Variants in FUT8 observed in about 807,000 individuals in gnomAD.
FUT8 encodes fucosyltransferase 8.
In FUT8, 29 loss-of-function variants were observed where a neutral mutation model predicts 71.3. That is an observed-to-expected ratio of 0.41 (90% CI 0.30 to 0.55). FUT8 has a LOEUF of 0.55. Among genes scored for constraint, FUT8 ranks in the 20% least tolerant of loss-of-function variants. The pLI, the probability that FUT8 is intolerant of heterozygous loss-of-function variation, is 0.34. For missense variants in FUT8, 544 were observed against 702.1 expected (o/e 0.77, Z 2.55); for synonymous variants, 254 against 239.3 (o/e 1.06, Z -0.57).
chr14:65,633,004 TC>T (rs376298224), intron 6 of FUT8, among the ~76,000 whole-genome samples: 14,838 of 78,044 alleles, frequency 0.19, 1,475 homozygotes, highest in East Asian at 0.5. Context: ...CCCTCTCCCC[TC>T]CCCCCCCCCG....
chr14:65,458,627 T>C (rs990450135), intron 2 of FUT8, among the ~76,000 whole-genome samples: 4 of 152,208 alleles, frequency 2.6e-5, no homozygotes, highest in Non-Finnish European at 5.9e-5. Context: ...GCCTGGACAT[T>C]AAAAGACTTA....
intron 7 of FUT8, among the ~76,000 whole-genome samples, chr14:65,702,759 A>T (rs1276106026): frequency 6.7e-5 from 10 of 148,932 alleles, no homozygotes; most frequent in East Asian, 2.1e-4. Flanking sequence ...TTTTTTTTTT[A>T]AACAGAGTTT....
chr14:65,725,866 A>G (rs1392801549), intron 9 of FUT8, among the ~76,000 whole-genome samples: 2 of 152,258 alleles, frequency 1.3e-5, no homozygotes, highest in Non-Finnish European at 2.9e-5. Context: ...ACTATAATGC[A>G]GGTATTAATC....
intron 3 of FUT8, among the ~76,000 whole-genome samples, chr14:65,596,724 CT>C (rs200146349): frequency 2.1e-4 from 31 of 149,148 alleles, no homozygotes; most frequent in African/African-American, 3.9e-4. Context: ...TGATATAACA[CT>C]TTTTTTTTTA....
intron 3 of FUT8, among the ~76,000 whole-genome samples, chr14:65,582,766 G>A (rs1887160007): frequency 6.6e-6 from 1 of 152,164 alleles, no homozygotes. Context: ...GTATCATAGT[G>A]TTTAGAATCT....
At chr14:65,735,436 G>A (rs1896175719) in intron 10 of FUT8, among the ~76,000 whole-genome samples, 1 of 152,128 alleles carries the variant, frequency 6.6e-6, no homozygotes, top group Non-Finnish European at 1.5e-5. Context: ...TGAAGAAAGA[G>A]TGGTGCTGAG....
At chr14:65,571,809 A>G (rs1266132590) in intron 3 of FUT8, among the ~76,000 whole-genome samples, 1 of 152,146 alleles carries the variant, frequency 6.6e-6, no homozygotes, top group Non-Finnish European at 1.5e-5. Flanking sequence ...TTTTCAGGCA[A>G]CAAAAGTATT....
rs901658096 is a variant in FUT8 at position 65,674,216 on chromosome 14, C to T, written c.835+4736C>T. On this transcript the variant is annotated intron_variant, in intron 7 of 10. Transcript: ENST00000673929. ...TATTAATAGAAACTTAAAACAAGTA[C>T]ATTTACTATTTTTGATCCCTTATGC... is the stretch of plus-strand genomic sequence containing the variant. 2.6e-4 allele frequency among the ~76,000 whole-genome samples: 39 copies of T among 152,054 alleles called. 1 individual carries two copies. The highest frequency in any genetic ancestry group is 4.4e-5 in the Non-Finnish European group (3 of 67,982).
chr14:65,677,151 T>TGTGTGTGTGCGCGCGCGCGCGCGC, intron 7 of FUT8, among the ~76,000 whole-genome samples: 3 of 110,702 alleles, frequency 2.7e-5, no homozygotes, highest in South Asian at 3.0e-4. Context: ...TGTGTGTGTG[T>TGTGTGTGTGCGCGCGCGCGCGCGC]GCGCGCGCGC....
At chr14:65,532,853 G>A (rs1012442715) in intron 2 of FUT8, among the ~76,000 whole-genome samples, 1 of 152,198 alleles carries the variant, frequency 6.6e-6, no homozygotes, top group Non-Finnish European at 1.5e-5. Flanking sequence ...TCTGCATACG[G>A]CTAGCCGGTT....
At chr14:65,547,824 G>A (rs1594758759) in intron 2 of FUT8, among the ~76,000 whole-genome samples, 1 of 151,834 alleles carries the variant, frequency 6.6e-6, no homozygotes, top group South Asian at 2.1e-4. Flanking sequence ...AACATCTTAC[G>A]TAGCCATGGT....
Position 65,451,963 on chromosome 14 carries a change from G to A in FUT8, c.-325-3658G>A, listed in dbSNP as rs546150374. Among the ~76,000 whole-genome samples, 3 of 152,310 alleles carry A rather than the reference G, an allele frequency of 2.0e-5. No individual in the cohort carries two copies. The East Asian group carries it at 5.8e-4, about 29-fold the overall frequency. Reference sequence around the variant, plus strand: ...GATATAAGCTCTCACTTTGGGCCATGGTTACAGGCTTTTTGGCTTGAGGGT... The same window carrying A: ...GATATAAGCTCTCACTTTGGGCCATAGTTACAGGCTTTTTGGCTTGAGGGT... On this transcript the variant is annotated intron_variant, in intron 1 of 10. Transcript: ENST00000673929.
intron 2 of FUT8, among the ~76,000 whole-genome samples, chr14:65,477,635 C>A (rs1169881944): frequency 6.6e-6 from 1 of 151,956 alleles, no homozygotes; most frequent in Non-Finnish European, 1.5e-5. Flanking sequence ...TTGAAAAACC[C>A]TAATATTGTT....
chr14:65,651,971 A>G (rs1467242029), intron 6 of FUT8, among the ~76,000 whole-genome samples: 1 of 152,198 alleles, frequency 6.6e-6, no homozygotes. Context: ...GAGATTGAAG[A>G]ACATATTTGA....
At chr14:65,620,013 C>T (rs1024658784) in intron 5 of FUT8, among the ~76,000 whole-genome samples, 2 of 152,174 alleles carry the variant, frequency 1.3e-5, no homozygotes, top group Non-Finnish European at 2.9e-5. Flanking sequence ...GTCTTATCAA[C>T]CTTTCAGGCT....
intron 7 of FUT8, among the ~76,000 whole-genome samples, chr14:65,721,056 A>G (rs958048820): frequency 1.5e-4 from 23 of 151,650 alleles, no homozygotes; most frequent in Admixed American, 1.3e-4. Flanking sequence ...TGTCTTTCCT[A>G]CTCTCTTCAG....
At chr14:65,691,769 C>G (rs1231649248) in intron 7 of FUT8, among the ~76,000 whole-genome samples, 1 of 151,532 alleles carries the variant, frequency 6.6e-6, no homozygotes, top group Non-Finnish European at 1.5e-5. Flanking sequence ...TGTTTGTGTC[C>G]CTGGGTACTT....
At chr14:65,471,698 G>A (rs2066149311) in intron 2 of FUT8, among the ~76,000 whole-genome samples, 1 of 151,358 alleles carries the variant, frequency 6.6e-6, no homozygotes, top group South Asian at 2.1e-4. Flanking sequence ...TTTGCCCTCT[G>A]ACCTCAATTC....
At chr14:65,498,075 G>T (rs1267200822) in intron 2 of FUT8, among the ~76,000 whole-genome samples, 2 of 152,102 alleles carry the variant, frequency 1.3e-5, no homozygotes, top group Admixed American at 1.3e-4. Flanking sequence ...AATCAGGAAT[G>T]CTCAGCCTCT....
Sources: allele counts gnomAD v4.1 joint callset (sites outside exome capture counted in the v4.1 genomes callset), GRCh38; gene constraint gnomAD v4.1.1; transcripts MANE v1.5; gene names NCBI Gene and HGNC (gene_info 2026-07-23, HGNC 2026-07-21).